AEN: variants seen among roughly 807,000 people sequenced by gnomAD.
AEN encodes apoptosis-enhancing nuclease.
A neutral mutation model predicts 17.7 loss-of-function variants in AEN; 21 were observed. That is an observed-to-expected ratio of 1.19 (90% CI 0.84 to 1.71). The LOEUF (loss-of-function observed/expected upper bound fraction) is 1.71. Among genes scored for constraint, AEN ranks in the 40% most tolerant of loss-of-function variants. The pLI is 0.00. For missense variants in AEN, 462 were observed against 435.9 expected, an observed-to-expected ratio of 1.06 and a Z score of -0.53; for synonymous variants, 190 against 173.0, an observed-to-expected ratio of 1.10 and a Z score of -0.77.
Position 88,630,153 on chromosome 15 carries a change from C to A in AEN, c.837C>A (p.Arg279=), listed in dbSNP as rs768698848. Residue 279 remains arginine (R), a synonymous_variant, in exon 4 of 4, where the codon CGC becomes CGA. Coordinates refer to ENST00000332810, the MANE Select transcript of AEN (RefSeq NM_022767.4). This position sits in a 1 kb window ranked among gnomAD's most constrained non-coding sequence, Gnocchi z 5.1. ...TGCAGTGGGAACAGCAGGAGGCCCG[C>A]AGCCTCTGGACCTGCCCCGAGGACA... The part of the protein sequence containing the change: ...VEVQWEQQEA[R]SLWTCPEDRE... 6.2e-7 allele frequency: 1 copy of A among 1,613,916 alleles called. No individual in the cohort carries two copies. The highest frequency in any genetic ancestry group is 2.2e-5 in the East Asian group (1 of 44,872).
chr15:88,609,537 T>C, the AEN span, among the ~76,000 whole-genome samples: 1 of 152,106 alleles, frequency 6.6e-6, no homozygotes, highest in Non-Finnish European at 1.5e-5. Flanking sequence ...GAGGAGGGGT[T>C]TGGGATCATT....
At chr15:88,625,298 T>C (rs2057837411) in intron 1 of AEN, among the ~76,000 whole-genome samples, 1 of 152,140 alleles carries the variant, frequency 6.6e-6, no homozygotes, top group African/African-American at 2.4e-5. Flanking sequence ...AGTGGGCGGA[T>C]CACTTGAGCC....
the AEN span, among the ~76,000 whole-genome samples, chr15:88,611,369 G>C: frequency 1.3e-5 from 2 of 151,130 alleles, no homozygotes; most frequent in Non-Finnish European, 2.9e-5. Flanking sequence ...GCTGAGGCAG[G>C]AGGATCACTT....
chr15:88,612,012 C>A, the AEN span: 1 of 420,542 alleles, frequency 2.4e-6, no homozygotes. Context: ...TTTGTGTTTC[C>A]TAGAAAACAT....
At chr15:88,609,801 A>G in the AEN span, among the ~76,000 whole-genome samples, 15 of 152,234 alleles carry the variant, frequency 9.9e-5, no homozygotes, top group South Asian at 2.1e-4. Context: ...ATCTGTAAGG[A>G]AAAAGCCAAT....
Position 88,626,675 on chromosome 15 carries a change from T to G in AEN, c.466T>G (p.Tyr156Asp). 6.2e-7 allele frequency: 1 copy of G among 1,613,914 alleles called. No homozygotes were observed. The highest frequency in any genetic ancestry group is 8.5e-7 in the Non-Finnish European group (1 of 1,180,042). Residue 156 changes from tyrosine to aspartate, a missense_variant, in exon 2 of 4, where the codon TAC becomes GAC. Coordinates refer to ENST00000332810, the MANE Select transcript of AEN (RefSeq NM_022767.4). ...CAGGCCTGAGATGCCCATCGCTGAC[T>G]ACCGTACCCGCTGGAGTGGCATCAC... is the stretch of plus-strand genomic sequence containing the variant. The part of the protein sequence containing the change: ...YIRPEMPIAD[Y>D]RTRWSGITRQ...
the AEN span, among the ~76,000 whole-genome samples, chr15:88,610,454 G>T: frequency 6.6e-6 from 1 of 152,084 alleles, no homozygotes; most frequent in South Asian, 2.1e-4. Context: ...ACTGAAGAGG[G>T]TCATAAAGAG....
chr15:88,616,245 C>T, the AEN span, among the ~76,000 whole-genome samples: 1 of 152,188 alleles, frequency 6.6e-6, no homozygotes, highest in African/African-American at 2.4e-5. Context: ...AGGCAAGTGT[C>T]ACCATGCCCG....
the AEN span, among the ~76,000 whole-genome samples, chr15:88,610,106 A>C: frequency 6.6e-6 from 1 of 152,082 alleles, no homozygotes; most frequent in African/African-American, 2.4e-5. Context: ...CTTGTCTATT[A>C]CTTCTCAAAG....
rs544644396 is a variant in AEN, at chr15:88,629,220, T to C, written c.541-6T>C. 92 of 1,613,776 alleles carry C rather than the reference T, an allele frequency of 5.7e-5. 1 individual carries two copies. The South Asian group carries it at 1.0e-3, about 18-fold the overall frequency. ...TGACCTCCCTGACTCCTCTTTCTGC[T>C]CACAGATCCTTAAGCTCCTGAAGGG... On this transcript the variant is annotated splice_polypyrimidine_tract_variant and splice_region_variant and intron_variant, in intron 2 of 3. Coordinates refer to ENST00000332810, the MANE Select transcript of AEN (RefSeq NM_022767.4).
At position 88,630,948 on chromosome 15, in the gene AEN, A is replaced by G. The variant is rs558036327; in HGVS notation, c.*654A>G. On this transcript the variant is annotated 3_prime_UTR_variant, in exon 4 of 4. Transcript: ENST00000332810. This position sits in a 1 kb window ranked among gnomAD's most constrained non-coding sequence, Gnocchi z 5.1. The stretch of plus-strand genomic sequence containing the variant: ...CAGCTCCCTGCTAGGCTACAGTGGA[A>G]TAGCAGAGCCCACAGGCTTCTCGTG... 85 of 346,176 alleles carry G rather than the reference A, an allele frequency of 2.5e-4. No individual in the cohort carries two copies. Among genetic ancestry groups the G allele is most frequent in the Non-Finnish European group, 1.5e-4 (26 of 168,758 alleles). The allele number at this position is 346,176 out of a possible 1,614,324, so 21.4% of individuals were successfully genotyped here.
chr15:88,629,987 G>T (rs2057905460), intron 3 of AEN, 71 bp from the exon 4 acceptor site: 9 of 1,451,712 alleles, frequency 6.2e-6, no homozygotes, highest in South Asian at 1.2e-5. Flanking sequence ...CTGGGAAACT[G>T]GCCTTGCTTC....
the AEN span, among the ~76,000 whole-genome samples, chr15:88,609,428 CA>C: frequency 6.6e-6 from 1 of 152,166 alleles, no homozygotes; most frequent in Admixed American, 6.5e-5. Context: ...TAGCCCTCTT[CA>C]CAAAAGATAA....
upstream of AEN, among the ~76,000 whole-genome samples, chr15:88,617,038 A>G (rs2057744221): frequency 1.3e-5 from 2 of 151,190 alleles, no homozygotes; most frequent in Non-Finnish European, 3.0e-5. Flanking sequence ...CATTAAATGA[A>G]CGCAATGGAG....
At chr15:88,605,841 C>T in the AEN span, among the ~76,000 whole-genome samples, 1 of 152,238 alleles carries the variant, frequency 6.6e-6, no homozygotes, top group Non-Finnish European at 1.5e-5. The surrounding 1 kb of genome is among the most constrained non-coding windows in gnomAD (Gnocchi z 7.6). Context: ...AGCGCCCCGG[C>T]CCTAGGGTGC....
upstream of AEN, among the ~76,000 whole-genome samples, chr15:88,618,237 G>A (rs1321057426): frequency 1.0e-5 from 1 of 95,558 alleles, no homozygotes; most frequent in Admixed American, 1.2e-4. Flanking sequence ...GACATAATAT[G>A]CAACATTCTT....
At chr15:88,626,046 G>C in intron 1 of AEN, 100 bp from the exon 2 acceptor site, 1 of 777,752 alleles carries the variant, frequency 1.3e-6, no homozygotes, top group Non-Finnish European at 1.9e-6. Flanking sequence ...CAGGGCTCTC[G>C]GGCATCCCCA....
rs570385562 is a variant in AEN at position 88,629,354 on chromosome 15, G to A, written c.669G>A (p.Glu223=). 8.7e-6 allele frequency: 14 copies of A among 1,614,106 alleles called. No homozygotes were observed. The highest frequency in any genetic ancestry group is 7.7e-5 in the South Asian group (7 of 91,072). The change falls in exon 3 of 4, where the codon GAG becomes GAA. Residue 223 remains glutamate (E), a synonymous_variant. Transcript: ENST00000332810. ...CCTATGTCCCAAACTTCCTCAGCGAGCCCGGCCTCCACACCCGGGCCCGGG... is the reference window on the plus strand; with the variant it reads ...CCTATGTCCCAAACTTCCTCAGCGAACCCGGCCTCCACACCCGGGCCCGGG... ...DTTYVPNFLS[E]PGLHTRARVS... is the part of the protein sequence containing the mutation.
At chr15:88,605,526 C>G in the AEN span, among the ~76,000 whole-genome samples, 2 of 152,224 alleles carry the variant, frequency 1.3e-5, no homozygotes, top group South Asian at 2.1e-4. This position sits in a 1 kb window ranked among gnomAD's most constrained non-coding sequence, Gnocchi z 7.6. Context: ...TGAAAAGTAC[C>G]AGGAGACCAC....
Sources: allele counts gnomAD v4.1 joint callset (sites outside exome capture counted in the v4.1 genomes callset), GRCh38; gene constraint gnomAD v4.1.1; non-coding constraint Gnocchi (gnomAD v3.1); transcripts MANE v1.5; gene names NCBI Gene and HGNC (gene_info 2026-07-23, HGNC 2026-07-21).